SPON1: variants seen among roughly 807,000 people sequenced by gnomAD.
SPON1 encodes the protein spondin-1.
A neutral mutation model predicts 111.7 loss-of-function variants in SPON1; 52 were observed. The ratio of observed to expected loss-of-function variants is 0.47; its 90% CI spans 0.37 to 0.59. The LOEUF (loss-of-function observed/expected upper bound fraction) is 0.59, where lower values mean the gene tolerates loss of function less well. SPON1 is among the 20% of genes least tolerant of loss of function. The pLI, the probability that SPON1 is intolerant of heterozygous loss-of-function variation, is 0.00. For missense variants in SPON1, 957 were observed against 1,068.5 expected (o/e 0.90, Z 1.46); for synonymous variants, 410 against 395.8 (o/e 1.04, Z -0.43).
At chr11:14,015,260 A>C (rs778118996) in intron 2 of SPON1, among the ~76,000 whole-genome samples, 7 of 152,256 alleles carry the variant, frequency 4.6e-5, no homozygotes, top group Non-Finnish European at 8.8e-5. Flanking sequence ...TACAAGATCT[A>C]GGTGCCAGCA....
chr11:14,231,956 C>T (rs1848809060), intron 6 of SPON1, among the ~76,000 whole-genome samples: 1 of 138,622 alleles, frequency 7.2e-6, no homozygotes, highest in Non-Finnish European at 1.6e-5. Context: ...CTTTTTGTTT[C>T]TCTCTCCTCC....
At chr11:14,138,769 T>C (rs1157870308) in intron 6 of SPON1, among the ~76,000 whole-genome samples, 2 of 152,230 alleles carry the variant, frequency 1.3e-5, no homozygotes, top group Non-Finnish European at 2.9e-5. Flanking sequence ...GCATGTTTAC[T>C]AAGTGTCTGG....
chr11:13,992,735 G>A (rs1485358090), intron 2 of SPON1, among the ~76,000 whole-genome samples: 7 of 152,278 alleles, frequency 4.6e-5, no homozygotes, highest in African/African-American at 1.2e-4. Flanking sequence ...TGTGAAAACC[G>A]TGGGACAAGT....
At chr11:14,219,501 C>G (rs568462211) in intron 6 of SPON1, among the ~76,000 whole-genome samples, 1 of 152,266 alleles carries the variant, frequency 6.6e-6, no homozygotes, top group Admixed American at 6.5e-5. Flanking sequence ...ACCCTGAGAT[C>G]TGGATTTTAA....
In SPON1 at chr11:13,972,989, G is replaced by A. The variant is rs114871397; in HGVS notation, c.238+9847G>A. Among the ~76,000 whole-genome samples, 1,224 of 151,970 alleles carry A rather than the reference G, an allele frequency of 8.1e-3. 20 individuals carry two copies. The highest frequency in any genetic ancestry group is 0.026 in the African/African-American group (1,074 of 41,402). On this transcript the variant is annotated intron_variant, in intron 1 of 15. Transcript: ENST00000576479. ...GTTCCCTCCTTCGCTCTATCTTTTT[G>A]TCCCTCGCTTCTACCTTCTCTGTCT... is the stretch of plus-strand genomic sequence containing the variant.
At chr11:13,977,924 G>C (rs1848114907) in intron 1 of SPON1, among the ~76,000 whole-genome samples, 1 of 152,168 alleles carries the variant, frequency 6.6e-6, no homozygotes, top group Non-Finnish European at 1.5e-5. Context: ...TTACTGAAAA[G>C]ATTATCTTTT....
At chr11:14,044,363 G>T (rs1848652995) in intron 3 of SPON1, among the ~76,000 whole-genome samples, 1 of 152,168 alleles carries the variant, frequency 6.6e-6, no homozygotes, top group Admixed American at 6.5e-5. Context: ...TATAATCCCA[G>T]CACTTTGGGA....
At chr11:14,171,588 T>C (rs1489155289) in intron 6 of SPON1, among the ~76,000 whole-genome samples, 1 of 152,216 alleles carries the variant, frequency 6.6e-6, no homozygotes, top group South Asian at 2.1e-4. Flanking sequence ...GATGTTAGAG[T>C]GTCAATTTTA....
In SPON1 at chr11:14,259,477, C is replaced by T. The variant is rs782328988; in HGVS notation, c.1663+27C>T. On this transcript the variant is annotated intron_variant, in intron 12 of 15. Transcript: ENST00000576479. The surrounding 1 kb of genome is among the most constrained non-coding windows in gnomAD (Gnocchi z 5.0). ...TGAGTGGGGGCCCCGGGCGGGCAGGCGGGCAAGTAGGTCGGGGAGGCAGCA... is the reference window on the plus strand; with the variant it reads ...TGAGTGGGGGCCCCGGGCGGGCAGGTGGGCAAGTAGGTCGGGGAGGCAGCA... The T allele has an allele frequency of 3.3e-5, 52 of 1,591,574 alleles. No homozygotes were observed. Among genetic ancestry groups the T allele is most frequent in the East Asian group, 6.8e-5 (3 of 43,900 alleles).
intron 3 of SPON1, among the ~76,000 whole-genome samples, chr11:14,062,865 G>C (rs1848801831): frequency 6.6e-6 from 1 of 152,180 alleles, no homozygotes; most frequent in Non-Finnish European, 1.5e-5. Flanking sequence ...AAAGACCCTG[G>C]AAAAAGTTTG....
intron 6 of SPON1, among the ~76,000 whole-genome samples, chr11:14,223,812 T>C (rs974658776): frequency 3.3e-5 from 5 of 152,226 alleles, no homozygotes; most frequent in African/African-American, 1.2e-4. Flanking sequence ...CTGGGTCTTA[T>C]CTGGGTCACA....
chr11:14,034,305 G>A (rs180688639), intron 2 of SPON1, among the ~76,000 whole-genome samples: 2 of 151,448 alleles, frequency 1.3e-5, no homozygotes, highest in Admixed American at 1.3e-4. Context: ...TCTGTCTTAG[G>A]TAAAAAGAAA....
intron 1 of SPON1, among the ~76,000 whole-genome samples, chr11:13,980,377 A>T (rs1192879123): frequency 3.9e-5 from 6 of 152,072 alleles, no homozygotes; most frequent in African/African-American, 1.4e-4. Context: ...TTTTACAGAC[A>T]TCAGTAGCTC....
rs1554942034 is a variant in SPON1, at chr11:14,262,774, G to C, written c.2059G>C (p.Gly687Arg). The change falls in exon 15 of 16, where the codon GGC becomes CGC. Residue 687 changes from glycine to arginine, a missense_variant. Gly to Arg is a moderately radical substitution (Grantham distance 125, BLOSUM62 -2). Transcript: ENST00000576479. ...WSECNKSCGK[G>R]HVIRTRMIQM... The stretch of plus-strand genomic sequence containing the variant: ...GGAATGTAACAAGTCATGTGGGAAA[G>C]GCCACGTGATTCGAACCCGGATGAT... 1 of 1,613,932 alleles carries C rather than the reference G, an allele frequency of 6.2e-7. No individual in the cohort carries two copies. The highest frequency in any genetic ancestry group is 1.3e-5 in the African/African-American group (1 of 75,012).
At chr11:14,074,831 A>G (rs1212593948) in intron 3 of SPON1, among the ~76,000 whole-genome samples, 1 of 152,240 alleles carries the variant, frequency 6.6e-6, no homozygotes, top group Admixed American at 6.5e-5. Context: ...GTCTTTGTTC[A>G]GAATGTAGGA....
At chr11:14,245,900 G>A (rs1554940213) in intron 7 of SPON1, among the ~76,000 whole-genome samples, 1 of 152,202 alleles carries the variant, frequency 6.6e-6, no homozygotes, top group African/African-American at 2.4e-5. Flanking sequence ...TCTCATCCCT[G>A]TCCTACCAAA....
Position 14,254,573 on chromosome 11 carries a change from T to C in SPON1, c.936T>C (p.His312=), listed in dbSNP as rs1554940964. 1.2e-6 allele frequency: 2 copies of C among 1,613,270 alleles called. No individual in the cohort carries two copies. Among genetic ancestry groups the C allele is most frequent in the African/African-American group, 2.7e-5 (2 of 74,894 alleles). The change falls in exon 8 of 16, where the codon CAT becomes CAC. Residue 312 remains histidine, a synonymous_variant. Coordinates refer to ENST00000576479, the MANE Select transcript of SPON1 (RefSeq NM_006108.4). Reference sequence around the variant, plus strand: ...AATTTTCCGTGGACAGAACGCGCCATTTAATGTCCTTCCTGACCATGATGG... The same window carrying C: ...AATTTTCCGTGGACAGAACGCGCCACTTAATGTCCTTCCTGACCATGATGG... ...SAEFSVDRTR[H]LMSFLTMMGP...
intron 2 of SPON1, among the ~76,000 whole-genome samples, chr11:14,039,445 T>A (rs572650576): frequency 6.6e-6 from 1 of 152,214 alleles, no homozygotes; most frequent in Non-Finnish European, 1.5e-5. Flanking sequence ...TGTGTAGGGG[T>A]GAAGGGACAG....
chr11:14,032,613 A>G (rs1159321387), intron 2 of SPON1, among the ~76,000 whole-genome samples: 1 of 152,238 alleles, frequency 6.6e-6, no homozygotes, highest in Admixed American at 6.5e-5. Context: ...CTCATTTTGC[A>G]GATGAGAAAA....
Sources: allele counts gnomAD v4.1 joint callset (sites outside exome capture counted in the v4.1 genomes callset), GRCh38; gene constraint gnomAD v4.1.1; non-coding constraint Gnocchi (gnomAD v3.1); transcripts MANE v1.5; gene names NCBI Gene and HGNC (gene_info 2026-07-23, HGNC 2026-07-21).